The following MMP16 variants were observed in gnomAD, a reference collection of about 807,000 sequenced individuals.
MMP16 encodes the protein matrix metalloproteinase-16.
MMP16 carries 12 observed loss-of-function variants against 67.8 expected under a neutral mutation model. That is an observed-to-expected ratio of 0.18 (90% CI 0.11 to 0.29). The LOEUF (loss-of-function observed/expected upper bound fraction) is 0.29. Among genes scored for constraint, MMP16 ranks in the 10% least tolerant of loss-of-function variants. The pLI, the probability that MMP16 is intolerant of heterozygous loss-of-function variation, is 1.00. For synonymous variants in MMP16, 249 were observed against 255.9 expected (o/e 0.97, Z 0.26); for missense variants, 475 against 765.7 (o/e 0.62, Z 4.48).
At chr8:88,305,298 G>C (rs950708472) in intron 1 of MMP16, among the ~76,000 whole-genome samples, 3 of 152,184 alleles carry the variant, frequency 2.0e-5, no homozygotes, top group African/African-American at 7.2e-5. Flanking sequence ...CATAAGCCAA[G>C]TGTTTAGGGA....
Position 88,182,455 on chromosome 8 carries a change from A to G in MMP16, c.404+4021T>C, listed in dbSNP as rs529904061. On this transcript the variant is annotated intron_variant, in intron 3 of 9. Transcript: ENST00000286614. ...AATAAAATTGCTTATCTTAATAAAC[A>G]TAATTGATTTACAATAATTGTTTTA... 6.1e-5 allele frequency among the ~76,000 whole-genome samples: 9 copies of G among 148,588 alleles called. No individual in the cohort carries two copies. The South Asian group carries it at 8.4e-4, about 14-fold the overall frequency.
intron 1 of MMP16, among the ~76,000 whole-genome samples, chr8:88,308,167 CA>C (rs1368679248): frequency 6.6e-6 from 1 of 152,088 alleles, no homozygotes; most frequent in Non-Finnish European, 1.5e-5. Flanking sequence ...TTCTTCACTT[CA>C]CCCTGTATCT....
chr8:88,296,287 GTTTA>G (rs1400530082), intron 1 of MMP16, among the ~76,000 whole-genome samples: 1 of 151,984 alleles, frequency 6.6e-6, no homozygotes, highest in East Asian at 1.9e-4. Flanking sequence ...CATCTTATTG[GTTTA>G]TTTTTAATTG....
At chr8:88,231,114 T>C in intron 1 of MMP16, among the ~76,000 whole-genome samples, 1 of 152,196 alleles carries the variant, frequency 6.6e-6, no homozygotes, top group East Asian at 1.9e-4. Flanking sequence ...TTAGATGTTT[T>C]GCTTGAAATA....
intron 1 of MMP16, among the ~76,000 whole-genome samples, chr8:88,319,753 TA>T (rs1171856312): frequency 6.6e-6 from 1 of 152,128 alleles, no homozygotes; most frequent in South Asian, 2.1e-4. Flanking sequence ...CAGCTTACCC[TA>T]AAAAATGGCA....
rs554875018 is a variant in MMP16 at position 88,182,191 on chromosome 8, G to C, written c.404+4285C>G. 9.2e-5 allele frequency among the ~76,000 whole-genome samples: 14 copies of C among 152,084 alleles called. No homozygotes were observed. In the South Asian group the frequency reaches 2.7e-3, roughly 29 times the overall value. ...AAAATTACACTTCTGCTCTGAAAAA[G>C]ACATTTTAAAGAGAATAAAAAGACA... On this transcript the variant is annotated intron_variant, in intron 3 of 9. Coordinates refer to ENST00000286614, the MANE Select transcript of MMP16 (RefSeq NM_005941.5).
At chr8:88,311,244 G>C (rs764335172) in intron 1 of MMP16, among the ~76,000 whole-genome samples, 1 of 152,118 alleles carries the variant, frequency 6.6e-6, no homozygotes, top group East Asian at 1.9e-4. Context: ...CTCTACGGTG[G>C]ATTTTGATAT....
Position 88,327,365 on chromosome 8 carries a change from G to A in MMP16, c.-159C>T, listed in dbSNP as rs1057249325. ...GGCAAGGGGAGGAGACAGGGGCCCCGCGCTCGGCAGCCCCCGAGAGGCAGC... is the reference window on the plus strand; with the variant it reads ...GGCAAGGGGAGGAGACAGGGGCCCCACGCTCGGCAGCCCCCGAGAGGCAGC... On this transcript the variant is annotated 5_prime_UTR_variant, in exon 1 of 10. Transcript: ENST00000286614. 13 of 800,348 alleles carry A rather than the reference G, an allele frequency of 1.6e-5. No individual in the cohort carries two copies. The African/African-American group carries it at 1.7e-4, about 11-fold the overall frequency. 49.6% of individuals were successfully genotyped at this position (800,348 alleles called of 1,614,324 possible).
chr8:88,263,685 T>C (rs1810425551), intron 1 of MMP16, among the ~76,000 whole-genome samples: 1 of 152,142 alleles, frequency 6.6e-6, no homozygotes, highest in South Asian at 2.1e-4. Context: ...ATGTCCAAAT[T>C]TCTCCTTTAT....
chr8:88,044,257 G>C (rs1376969895), intron 9 of MMP16, among the ~76,000 whole-genome samples: 1 of 152,146 alleles, frequency 6.6e-6, no homozygotes, highest in Non-Finnish European at 1.5e-5. Flanking sequence ...ACCAGGCTGG[G>C]CATCATACAG....
chr8:88,230,147 G>C (rs1054262036), intron 1 of MMP16, among the ~76,000 whole-genome samples: 1 of 151,980 alleles, frequency 6.6e-6, no homozygotes, highest in African/African-American at 2.4e-5. Context: ...GAACTTTATT[G>C]TGCCTTAGAA....
At chr8:88,253,955 A>C (rs1293507731) in intron 1 of MMP16, among the ~76,000 whole-genome samples, 1 of 152,068 alleles carries the variant, frequency 6.6e-6, no homozygotes, top group Non-Finnish European at 1.5e-5. Context: ...CAATCCCATT[A>C]CTGGGTATAT....
At chr8:88,278,752 C>T (rs1810687322) in intron 1 of MMP16, among the ~76,000 whole-genome samples, 1 of 152,138 alleles carries the variant, frequency 6.6e-6, no homozygotes. Flanking sequence ...AATAGGAAAG[C>T]TTTCACATTC....
At chr8:88,257,325 G>A (rs1563575677) in intron 1 of MMP16, among the ~76,000 whole-genome samples, 2 of 152,202 alleles carry the variant, frequency 1.3e-5, no homozygotes. Context: ...ACCTGTACAA[G>A]GTAGAGTAGA....
Position 88,104,333 on chromosome 8 carries a change from T to A in MMP16, c.1083+12174A>T, listed in dbSNP as rs149505285. 4.0e-5 allele frequency among the ~76,000 whole-genome samples: 6 copies of A among 151,864 alleles called. No individual in the cohort carries two copies. The East Asian group carries it at 1.2e-3, about 30-fold the overall frequency. Reference sequence around the variant, plus strand: ...GATAATCATGTCTCATTGTTTCATATATTCTTCATAATTAATGTTTCAAAT... The same window carrying A: ...GATAATCATGTCTCATTGTTTCATAAATTCTTCATAATTAATGTTTCAAAT... On this transcript the variant is annotated intron_variant, in intron 6 of 9. Coordinates refer to ENST00000286614, the MANE Select transcript of MMP16 (RefSeq NM_005941.5).
At chr8:88,199,766 A>G (rs917576022) in intron 1 of MMP16, among the ~76,000 whole-genome samples, 1 of 151,936 alleles carries the variant, frequency 6.6e-6, no homozygotes, top group African/African-American at 2.4e-5. Flanking sequence ...AGATTATACC[A>G]TACCCTTCCA....
At chr8:88,207,497 C>A (rs567145525) in intron 1 of MMP16, among the ~76,000 whole-genome samples, 6 of 152,130 alleles carry the variant, frequency 3.9e-5, no homozygotes, top group African/African-American at 1.4e-4. Flanking sequence ...ATACCATAAA[C>A]CTTGAATAAT....
chr8:88,325,586 T>C (rs1468978884), intron 1 of MMP16, among the ~76,000 whole-genome samples: 2 of 152,236 alleles, frequency 1.3e-5, no homozygotes, highest in Non-Finnish European at 2.9e-5. Flanking sequence ...TCTCTTGATT[T>C]AAATGTTAGG....
chr8:88,203,288 A>C (rs966654318), intron 1 of MMP16, among the ~76,000 whole-genome samples: 3 of 151,786 alleles, frequency 2.0e-5, no homozygotes, highest in Admixed American at 2.0e-4. Flanking sequence ...TATTTTTAGT[A>C]GAGACGAGTT....
Sources: gnomAD v4.1 joint callset for allele counts (sites outside exome capture counted in the v4.1 genomes callset) on GRCh38, gnomAD v4.1.1 for gene constraint, MANE v1.5 for transcripts, NCBI Gene and HGNC (gene_info 2026-07-23, HGNC 2026-07-21) for gene names.